Variants in MGAT2 observed in about 807,000 individuals in gnomAD.
MGAT2 encodes the protein Beta-1,2-N-acetylglucosaminyltransferase II.
Under a neutral mutation model 33.8 loss-of-function variants are expected in MGAT2, and 17 were observed. The ratio of observed to expected loss-of-function variants is 0.50; its 90% CI spans 0.34 to 0.76. MGAT2 has a LOEUF of 0.76. MGAT2 is among the 30% of genes least tolerant of loss of function. The pLI, the probability that MGAT2 is intolerant of heterozygous loss-of-function variation, is 0.01. For missense variants in MGAT2, 529 were observed against 553.9 expected (o/e 0.96, Z 0.45); for synonymous variants, 248 against 226.7 (o/e 1.09, Z -0.84).
chr14:49,620,815 A>C lies in MGAT2; in HGVS notation c.-454A>C, dbSNP rs1594598484. On this transcript the variant is annotated 5_prime_UTR_variant, in exon 1 of 1. Transcript: ENST00000305386. ...TGCCGCGGGGCAGTTGCGGGTTGTCATAACGGTCCCCGCCGGAGTGAGGCG... is the reference window on the plus strand; with the variant it reads ...TGCCGCGGGGCAGTTGCGGGTTGTCCTAACGGTCCCCGCCGGAGTGAGGCG... The C allele has an allele frequency of 1.7e-6, 1 of 605,326 alleles. No individual in the cohort carries two copies. Among genetic ancestry groups the C allele is most frequent in the East Asian group, 2.8e-5 (1 of 35,148 alleles). 37.5% of individuals were successfully genotyped at this position (605,326 alleles called of 1,614,324 possible). A position where few individuals can be genotyped will look rare whatever the true frequency, so the allele number is the denominator to read the frequency against.
Position 49,621,128 on chromosome 14 carries a change from G to A in MGAT2, c.-141G>A. On this transcript the variant is annotated 5_prime_UTR_variant, in exon 1 of 1. Coordinates refer to ENST00000305386, the MANE Select transcript of MGAT2 (RefSeq NM_002408.4). The surrounding 1 kb of genome is among the most constrained non-coding windows in gnomAD (Gnocchi z 4.6). Reference sequence around the variant, plus strand: ...GGGCCCCAGGACCCCCGGGGCCCGGGATGAGTTAGCGAGGGCAGCCGCGGG... The same window carrying A: ...GGGCCCCAGGACCCCCGGGGCCCGGAATGAGTTAGCGAGGGCAGCCGCGGG... 7.8e-7 allele frequency: 1 copy of A among 1,290,208 alleles called. No homozygotes were observed. The highest frequency in any genetic ancestry group is 1.1e-6 in the Non-Finnish European group (1 of 927,308). 79.9% of individuals were successfully genotyped at this position (1,290,208 alleles called of 1,614,324 possible).
rs1882831255 is a variant in MGAT2, at chr14:49,621,100, C to G, written c.-169C>G. 2 of 978,190 alleles carry G rather than the reference C, an allele frequency of 2.0e-6. No individual in the cohort carries two copies. The highest frequency in any genetic ancestry group is 4.1e-5 in the Admixed American group (2 of 48,406). The allele number at this position is 978,190 out of a possible 1,614,324, so 60.6% of individuals were successfully genotyped here. ...AGGCGGCGCGGGGTAAATGAGAGGT[C>G]TCGGGCCCCAGGACCCCCGGGGCCC... On this transcript the variant is annotated 5_prime_UTR_variant, in exon 1 of 1. Coordinates refer to ENST00000305386, the MANE Select transcript of MGAT2 (RefSeq NM_002408.4). This position sits in a 1 kb window ranked among gnomAD's most constrained non-coding sequence, Gnocchi z 4.6.
In MGAT2 at chr14:49,623,352, TTTG is replaced by T. The variant is rs1168708071; in HGVS notation, c.*743_*745del. Reference sequence around the variant, plus strand: ...TTCCTAATCCTTTTGCAGAATAAGTTTTGTTTACTCTTTATACCAAAATTCAGT... The same window carrying T: ...TTCCTAATCCTTTTGCAGAATAAGTTTTTACTCTTTATACCAAAATTCAGT... On this transcript the variant is annotated 3_prime_UTR_variant, in exon 1 of 1. Coordinates refer to ENST00000305386, the MANE Select transcript of MGAT2 (RefSeq NM_002408.4). The T allele has an allele frequency of 1.8e-5, 3 of 167,024 alleles. No individual in the cohort carries two copies. The highest frequency in any genetic ancestry group is 7.2e-5 in the African/African-American group (3 of 41,466). 10.3% of individuals were successfully genotyped at this position (167,024 alleles called of 1,614,324 possible).
Position 49,620,991 on chromosome 14 carries a change from G to C in MGAT2, c.-278G>C. 1.4e-6 allele frequency: 1 copy of C among 702,894 alleles called. No individual in the cohort carries two copies. 43.5% of individuals were successfully genotyped at this position (702,894 alleles called of 1,614,324 possible). ...CGGGACCCGTGGTGCTGAATGGAGA[G>C]GACGGAGACGAAGCCGAGCCGCGGC... On this transcript the variant is annotated 5_prime_UTR_variant, in exon 1 of 1. Transcript: ENST00000305386.
Position 49,621,701 on chromosome 14 carries a change from G to A in MGAT2, c.433G>A (p.Asp145Asn). 5 of 1,614,214 alleles carry A rather than the reference G, an allele frequency of 3.1e-6. No individual in the cohort carries two copies. Among genetic ancestry groups the A allele is most frequent in the Non-Finnish European group, 4.2e-6 (5 of 1,180,038 alleles). Residue 145 changes from aspartate (D) to asparagine (N), a missense_variant, in exon 1 of 1, where the codon GAC becomes AAC. Physicochemically the swap from Asp to Asn is conservative, Grantham distance 23. Around this residue, in one of 2 missense-constraint regions of MGAT2, gnomAD observed 501 missense variants for 501.1 expected, o/e 1.00. Transcript: ENST00000305386. This position sits in a 1 kb window ranked among gnomAD's most constrained non-coding sequence, Gnocchi z 4.6. ...CTCACTTCGAAAAGCCCAGGGAATT[G>A]ACAACGTCCTCGTCATCTTTAGCCA... ...LDSLRKAQGIDNVLVIFSHDF... is the reference protein window; with the variant it reads ...LDSLRKAQGINNVLVIFSHDF...
At position 49,622,474 on chromosome 14, in the gene MGAT2, C is replaced by T. The variant is rs1882883909; in HGVS notation, c.1206C>T (p.Asn402=). ...SAQIESLLNN[N]KQYMFPETLT... ...AAATTGAGTCACTCTTAAATAATAA[C>T]AAACAATACATGTTTCCAGAAACTC... The change falls in exon 1 of 1, where the codon AAC becomes AAT. Residue 402 remains asparagine (N), a synonymous_variant. Transcript: ENST00000305386. 1 of 1,611,690 alleles carries T rather than the reference C, an allele frequency of 6.2e-7. No homozygotes were observed. The highest frequency in any genetic ancestry group is 8.5e-7 in the Non-Finnish European group (1 of 1,178,882).
Position 49,623,429 on chromosome 14 carries a change from A to G in MGAT2, c.*817A>G, listed in dbSNP as rs975731573. 1.8e-5 allele frequency: 3 copies of G among 167,086 alleles called. No individual in the cohort carries two copies. The South Asian group carries it at 6.2e-4, about 35-fold the overall frequency. 10.4% of individuals were successfully genotyped at this position (167,086 alleles called of 1,614,324 possible). ...TTAGCATTACATTTTAATATTTACT[A>G]TTGCTACATTGTATAATTGAGTTTG... On this transcript the variant is annotated 3_prime_UTR_variant, in exon 1 of 1. Coordinates refer to ENST00000305386, the MANE Select transcript of MGAT2 (RefSeq NM_002408.4).
rs1307938522 is a variant in MGAT2, at chr14:49,621,574, G to A, written c.306G>A (p.Gln102=). 1 of 1,613,828 alleles carries A rather than the reference G, an allele frequency of 6.2e-7. No homozygotes were observed. The highest frequency in any genetic ancestry group is 2.2e-5 in the East Asian group (1 of 44,892). ...TGGTGTACCAGCTGAACTTTGATCA[G>A]ACCCTGAGGAATGTAGATAAGGCTG... ...RSLVYQLNFD[Q]TLRNVDKAGT... Residue 102 remains glutamine (Q), a synonymous_variant, in exon 1 of 1, where the codon CAG becomes CAA. Coordinates refer to ENST00000305386, the MANE Select transcript of MGAT2 (RefSeq NM_002408.4). This position sits in a 1 kb window ranked among gnomAD's most constrained non-coding sequence, Gnocchi z 4.6.
Position 49,622,360 on chromosome 14 carries a change from G to C in MGAT2, c.1092G>C (p.Val364=). The C allele has an allele frequency of 6.2e-7, 1 of 1,614,170 alleles. No individual in the cohort carries two copies. Among genetic ancestry groups the C allele is most frequent in the Non-Finnish European group, 8.5e-7 (1 of 1,180,042 alleles). Residue 364 remains valine, a synonymous_variant, in exon 1 of 1, where the codon GTG becomes GTC. Transcript: ENST00000305386. ...CTTGTCTTCCAAAATTCTGGAAAGT[G>C]CTGGTTCCTCAAATTCCTAGGATCT... ...TVSCLPKFWK[V]LVPQIPRIFH...
In MGAT2 at chr14:49,621,828, A is replaced by G; in HGVS notation, c.560A>G (p.Glu187Gly). 1 of 1,614,102 alleles carries G rather than the reference A, an allele frequency of 6.2e-7. No homozygotes were observed. The change falls in exon 1 of 1, where the codon GAG (glutamate) becomes GGG (glycine). Residue 187 changes from glutamate to glycine, a missense_variant. Around this residue, in one of 2 missense-constraint regions of MGAT2, gnomAD observed 501 missense variants for 501.1 expected, o/e 1.00. Transcript: ENST00000305386. This position sits in a 1 kb window ranked among gnomAD's most constrained non-coding sequence, Gnocchi z 4.6. ...TTCAGCATTCAGTTGTACCCTAACGAGTTTCCAGGTAGTGACCCTAGAGAT... is the reference window on the plus strand; with the variant it reads ...TTCAGCATTCAGTTGTACCCTAACGGGTTTCCAGGTAGTGACCCTAGAGAT... ...FPFSIQLYPN[E>G]FPGSDPRDCP...
rs1042207763 is a variant in MGAT2, at chr14:49,622,221, A to T, written c.953A>T (p.Asn318Ile). 6.2e-7 allele frequency: 1 copy of T among 1,614,074 alleles called. No homozygotes were observed. The highest frequency in any genetic ancestry group is 8.5e-7 in the Non-Finnish European group (1 of 1,180,050). ...DVKTWKSTEH[N>I]MGLALTRNAY... is the part of the protein sequence containing the mutation. ...AAAACTTGGAAATCCACAGAGCACA[A>T]TATGGGTCTAGCCTTGACCCGGAAT... The change falls in exon 1 of 1, where the codon AAT (asparagine) becomes ATT (isoleucine). Residue 318 changes from asparagine (N) to isoleucine (I), a missense_variant. By Grantham distance (149) the Asn-to-Ile change is moderately radical (BLOSUM62 -3). Coordinates refer to ENST00000305386, the MANE Select transcript of MGAT2 (RefSeq NM_002408.4).
At position 49,621,525 on chromosome 14, in the gene MGAT2, A is replaced by C; in HGVS notation, c.257A>C (p.Asn86Thr). ...VPAVPQPEAD[N>T]LTLRYRSLVY... Reference sequence around the variant, plus strand: ...GCGGTCCCCCAGCCCGAGGCGGACAACCTGACGCTGCGGTACCGGTCCCTG... The same window carrying C: ...GCGGTCCCCCAGCCCGAGGCGGACACCCTGACGCTGCGGTACCGGTCCCTG... Residue 86 changes from asparagine (N) to threonine (T), a missense_variant, in exon 1 of 1, where the codon AAC becomes ACC. Physicochemically the swap from Asn to Thr is moderately conservative, Grantham distance 65. Around this residue, in one of 2 missense-constraint regions of MGAT2, gnomAD observed 501 missense variants for 501.1 expected, o/e 1.00. Coordinates refer to ENST00000305386, the MANE Select transcript of MGAT2 (RefSeq NM_002408.4). This position sits in a 1 kb window ranked among gnomAD's most constrained non-coding sequence, Gnocchi z 4.6. 3 of 1,612,682 alleles carry C rather than the reference A, an allele frequency of 1.9e-6. No individual in the cohort carries two copies. The highest frequency in any genetic ancestry group is 2.5e-6 in the Non-Finnish European group (3 of 1,179,422).
Position 49,621,174 on chromosome 14 carries a change from G to C in MGAT2, c.-95G>C. ...GCGGGGGCCAGTTCCGACCGTGACA[G>C]GCCAAGGCGACGGCCGCCGCCCGCC... is the stretch of plus-strand genomic sequence containing the variant. On this transcript the variant is annotated 5_prime_UTR_variant, in exon 1 of 1. Coordinates refer to ENST00000305386, the MANE Select transcript of MGAT2 (RefSeq NM_002408.4). The surrounding 1 kb of genome is among the most constrained non-coding windows in gnomAD (Gnocchi z 4.6). 1.3e-6 allele frequency: 2 copies of C among 1,573,958 alleles called. No homozygotes were observed. Among genetic ancestry groups the C allele is most frequent in the Admixed American group, 3.5e-5 (2 of 56,646 alleles).
At position 49,621,590 on chromosome 14, in the gene MGAT2, G is replaced by C. The variant is rs1476271337; in HGVS notation, c.322G>C (p.Asp108His). ...LNFDQTLRNVDKAGTWAPREL... is the reference protein window; with the variant it reads ...LNFDQTLRNVHKAGTWAPREL... ...CTTTGATCAGACCCTGAGGAATGTA[G>C]ATAAGGCTGGCACCTGGGCCCCCCG... The change falls in exon 1 of 1, where the codon GAT (aspartate) becomes CAT (histidine). Residue 108 changes from aspartate to histidine, a missense_variant. Physicochemically the swap from Asp to His is moderately conservative, Grantham distance 81. Transcript: ENST00000305386. The surrounding 1 kb of genome is among the most constrained non-coding windows in gnomAD (Gnocchi z 4.6). 6.2e-7 allele frequency: 1 copy of C among 1,613,968 alleles called. No homozygotes were observed. Among genetic ancestry groups the C allele is most frequent in the African/African-American group, 1.3e-5 (1 of 75,046 alleles).
In MGAT2 at chr14:49,622,270, C is replaced by T; in HGVS notation, c.1002C>T (p.Cys334=). 1 of 1,614,144 alleles carries T rather than the reference C, an allele frequency of 6.2e-7. No individual in the cohort carries two copies. Among genetic ancestry groups the T allele is most frequent in the Non-Finnish European group, 8.5e-7 (1 of 1,180,026 alleles). Residue 334 remains cysteine (C), a synonymous_variant, in exon 1 of 1, where the codon TGC becomes TGT. Transcript: ENST00000305386. ...TRNAYQKLIE[C]TDTFCTYDDY... ...ATGCCTATCAGAAGCTGATCGAGTG[C>T]ACAGACACTTTCTGTACTTATGATG...
At position 49,623,477 on chromosome 14, in the gene MGAT2, A is replaced by G. The variant is rs1882913804; in HGVS notation, c.*865A>G. On this transcript the variant is annotated 3_prime_UTR_variant, in exon 1 of 1. Coordinates refer to ENST00000305386, the MANE Select transcript of MGAT2 (RefSeq NM_002408.4). The stretch of plus-strand genomic sequence containing the variant: ...TTGAAATAAAACCCAGCTTATGACA[A>G]TGCATTCCCTGTGCAAGAAACTGTT... The G allele has an allele frequency of 6.0e-6, 1 of 167,084 alleles. No homozygotes were observed. Among genetic ancestry groups the G allele is most frequent in the South Asian group, 2.1e-4 (1 of 4,832 alleles). 10.4% of individuals were successfully genotyped at this position (167,084 alleles called of 1,614,324 possible).
Position 49,622,502 on chromosome 14 carries a change from A to T in MGAT2, c.1234A>T (p.Thr412Ser), listed in dbSNP as rs962841787. The change falls in exon 1 of 1, where the codon ACT becomes TCT. Residue 412 changes from threonine to serine, a missense_variant. By Grantham distance (58) the Thr-to-Ser change is moderately conservative. Around this residue, in one of 2 missense-constraint regions of MGAT2, gnomAD observed 28 missense variants for 52.8 expected, o/e 0.53. Transcript: ENST00000305386. ...ACAATACATGTTTCCAGAAACTCTA[A>T]CTATCAGTGAAAAGTTTACTGTGGT... Reference protein sequence around the residue: ...NKQYMFPETLTISEKFTVVAI... With the variant: ...NKQYMFPETLSISEKFTVVAI... The T allele has an allele frequency of 6.2e-7, 1 of 1,603,422 alleles. No individual in the cohort carries two copies. Among genetic ancestry groups the T allele is most frequent in the African/African-American group, 1.3e-5 (1 of 74,192 alleles).
rs1882835625 is a variant in MGAT2, at chr14:49,621,204, C to T, written c.-65C>T. On this transcript the variant is annotated 5_prime_UTR_variant, in exon 1 of 1. Coordinates refer to ENST00000305386, the MANE Select transcript of MGAT2 (RefSeq NM_002408.4). This position sits in a 1 kb window ranked among gnomAD's most constrained non-coding sequence, Gnocchi z 4.6. The stretch of plus-strand genomic sequence containing the variant: ...AGGCGACGGCCGCCGCCCGCCCGCC[C>T]CTTCCGTGCAGAAGCAGCTGCTCCT... 1 of 1,604,050 alleles carries T rather than the reference C, an allele frequency of 6.2e-7. No individual in the cohort carries two copies. The highest frequency in any genetic ancestry group is 8.5e-7 in the Non-Finnish European group (1 of 1,176,302).
In MGAT2 at chr14:49,621,263, G is replaced by A; in HGVS notation, c.-6G>A. ...CCGCCCGCCTGCGCTCCCGGCCCTG[G>A]AGACCATGAGGTTCCGCATCTACAA... On this transcript the variant is annotated 5_prime_UTR_variant, in exon 1 of 1. Transcript: ENST00000305386. This position sits in a 1 kb window ranked among gnomAD's most constrained non-coding sequence, Gnocchi z 4.6. The A allele has an allele frequency of 6.2e-7, 1 of 1,612,242 alleles. No homozygotes were observed. Among genetic ancestry groups the A allele is most frequent in the Non-Finnish European group, 8.5e-7 (1 of 1,179,776 alleles).
Sources: allele counts gnomAD v4.1 joint callset, GRCh38; gene constraint gnomAD v4.1.1; regional missense constraint gnomAD v4.1.1; non-coding constraint Gnocchi (gnomAD v3.1); transcripts MANE v1.5; gene names NCBI Gene and HGNC (gene_info 2026-07-23, HGNC 2026-07-21).